The following NOS1AP variants were observed in gnomAD, a reference collection of about 807,000 sequenced individuals.
NOS1AP encodes nitric oxide synthase 1 adaptor protein, also known as carboxyl-terminal PDZ ligand of neuronal nitric oxide synthase protein.
NOS1AP carries 21 observed loss-of-function variants against 56.2 expected under a neutral mutation model. The observed-to-expected ratio is 0.37, with a 90% CI of 0.26 to 0.54. The LOEUF (loss-of-function observed/expected upper bound fraction) is 0.54. Among genes scored for constraint, NOS1AP ranks in the 20% least tolerant of loss-of-function variants. The pLI is 0.84. For synonymous variants in NOS1AP, 270 were observed against 274.6 expected (o/e 0.98, Z 0.17); for missense variants, 522 against 657.8 (o/e 0.79, Z 2.26).
intron 3 of NOS1AP, among the ~76,000 whole-genome samples, chr1:162,298,872 G>A (rs1655553953): frequency 6.6e-6 from 1 of 152,188 alleles, no homozygotes; most frequent in Non-Finnish European, 1.5e-5. Context: ...AGAGATATTA[G>A]AACTGAAAAA....
intron 1 of NOS1AP, among the ~76,000 whole-genome samples, chr1:162,100,141 T>C (rs1430035653): frequency 2.0e-5 from 3 of 152,234 alleles, no homozygotes; most frequent in Non-Finnish European, 4.4e-5. Flanking sequence ...CCTTTGGGTA[T>C]ATACCCAGTA....
At chr1:162,158,290 A>G (rs1650053352) in intron 2 of NOS1AP, among the ~76,000 whole-genome samples, 1 of 152,216 alleles carries the variant, frequency 6.6e-6, no homozygotes, top group African/African-American at 2.4e-5. Flanking sequence ...AATGTCATCA[A>G]GGTTCATCCA....
At chr1:162,353,212 G>A (rs1657581991) in intron 6 of NOS1AP, among the ~76,000 whole-genome samples, 1 of 152,090 alleles carries the variant, frequency 6.6e-6, no homozygotes, top group African/African-American at 2.4e-5. Flanking sequence ...TATCTAGAGT[G>A]AAATTTTGAA....
chr1:162,181,257 A>G (rs1651247134), intron 2 of NOS1AP, among the ~76,000 whole-genome samples: 1 of 152,246 alleles, frequency 6.6e-6, no homozygotes, highest in Admixed American at 6.5e-5. Context: ...ATCTTTGAAT[A>G]TTAAGACACA....
chr1:162,336,785 A>G (rs1446661184), intron 5 of NOS1AP, among the ~76,000 whole-genome samples: 3 of 152,238 alleles, frequency 2.0e-5, no homozygotes, highest in Non-Finnish European at 2.9e-5. Flanking sequence ...ATAAGATGAA[A>G]GGCATCTCAG....
intron 2 of NOS1AP, among the ~76,000 whole-genome samples, chr1:162,264,028 G>A (rs1654319889): frequency 1.3e-5 from 2 of 152,274 alleles, no homozygotes; most frequent in East Asian, 3.9e-4. Flanking sequence ...TATTACAGTA[G>A]CCTCCGAATG....
At chr1:162,091,961 T>A (rs1263232709) in intron 1 of NOS1AP, among the ~76,000 whole-genome samples, 2 of 151,874 alleles carry the variant, frequency 1.3e-5, no homozygotes, top group East Asian at 3.9e-4. Flanking sequence ...AGTGCTGGAG[T>A]TGGAAGGGAC....
rs781128306 is a variant in NOS1AP at position 162,281,761 on chromosome 1, G to A, written c.178-5583G>A. 5.1e-4 allele frequency among the ~76,000 whole-genome samples: 78 copies of A among 152,322 alleles called. 1 individual carries two copies. Among genetic ancestry groups the A allele is most frequent in the Admixed American group, 1.7e-3 (26 of 15,296 alleles). On this transcript the variant is annotated intron_variant, in intron 2 of 9. Transcript: ENST00000361897. ...AAGTGGACTTGCCGTGAGAACAAAT[G>A]TGTTTGTTACATGGTGTTTTAGATT...
chr1:162,144,770 C>G (rs906059120), intron 1 of NOS1AP, among the ~76,000 whole-genome samples: 2 of 152,174 alleles, frequency 1.3e-5, no homozygotes, highest in African/African-American at 4.8e-5. Context: ...AAGGCCAGAA[C>G]AGTTTCTCTG....
intron 4 of NOS1AP, among the ~76,000 whole-genome samples, chr1:162,301,396 T>G (rs1305258304): frequency 1.3e-5 from 2 of 152,182 alleles, no homozygotes; most frequent in African/African-American, 4.8e-5. Context: ...CCTCACTAGA[T>G]GCCGAATCTG....
chr1:162,098,757 T>G (rs769832073), intron 1 of NOS1AP, among the ~76,000 whole-genome samples: 3 of 152,188 alleles, frequency 2.0e-5, no homozygotes, highest in Non-Finnish European at 4.4e-5. Context: ...AGTGCGAATA[T>G]GTGGTGTTTG....
chr1:162,070,966 G>C (rs945502006), intron 1 of NOS1AP, among the ~76,000 whole-genome samples: 1 of 152,150 alleles, frequency 6.6e-6, no homozygotes, highest in Non-Finnish European at 1.5e-5. Flanking sequence ...GCTGAGGTCG[G>C]AGCCCCAGGT....
chr1:162,154,737 T>A (rs1331602528), intron 2 of NOS1AP, among the ~76,000 whole-genome samples: 1 of 152,216 alleles, frequency 6.6e-6, no homozygotes, highest in East Asian at 1.9e-4. Context: ...GAGATACATG[T>A]TACCTTGATG....
chr1:162,349,048 G>A (rs1039511638), intron 6 of NOS1AP, among the ~76,000 whole-genome samples: 13 of 152,178 alleles, frequency 8.5e-5, no homozygotes, highest in African/African-American at 2.9e-4. Context: ...TTAGCTGGGT[G>A]TGGTGGCGCA....
At chr1:162,135,545 G>A (rs1648958421) in intron 1 of NOS1AP, among the ~76,000 whole-genome samples, 1 of 152,162 alleles carries the variant, frequency 6.6e-6, no homozygotes, top group Non-Finnish European at 1.5e-5. Flanking sequence ...TTTGGACCCT[G>A]AGAAGCAGAA....
chr1:162,247,232 C>G (rs370415566), intron 2 of NOS1AP, among the ~76,000 whole-genome samples: 3 of 152,168 alleles, frequency 2.0e-5, no homozygotes, highest in African/African-American at 7.2e-5. Flanking sequence ...CTCCCCTTGC[C>G]TCTTTCTCTC....
chr1:162,111,712 G>A (rs1234996359), intron 1 of NOS1AP, among the ~76,000 whole-genome samples: 2 of 152,214 alleles, frequency 1.3e-5, no homozygotes, highest in African/African-American at 2.4e-5. Context: ...GTCAATGCCT[G>A]CCAAATACAA....
At chr1:162,295,224 T>G (rs1333652930) in intron 3 of NOS1AP, among the ~76,000 whole-genome samples, 2 of 152,188 alleles carry the variant, frequency 1.3e-5, no homozygotes, top group East Asian at 3.8e-4. Context: ...CCATCTGAAC[T>G]GAAAATGTCC....
chr1:162,132,475 A>C (rs763356687), intron 1 of NOS1AP, among the ~76,000 whole-genome samples: 4 of 152,242 alleles, frequency 2.6e-5, no homozygotes, highest in Non-Finnish European at 4.4e-5. Flanking sequence ...AAAGTCAAGA[A>C]AAAAATACAG....
Sources: gnomAD v4.1 joint callset for allele counts (sites outside exome capture counted in the v4.1 genomes callset) on GRCh38, gnomAD v4.1.1 for gene constraint, MANE v1.5 for transcripts, NCBI Gene and HGNC (gene_info 2026-07-23, HGNC 2026-07-21) for gene names.